SYNDIG1: variants seen among roughly 807,000 people sequenced by gnomAD.
SYNDIG1 encodes synapse differentiation-inducing gene protein 1.
In SYNDIG1, 9 loss-of-function variants were observed where a neutral mutation model predicts 19.4. The ratio of observed to expected loss-of-function variants is 0.46; its 90% CI spans 0.28 to 0.81. The LOEUF (loss-of-function observed/expected upper bound fraction) is 0.81. Among genes scored for constraint, SYNDIG1 ranks in the 30% least tolerant of loss-of-function variants. The probability of loss-of-function intolerance (pLI) is 0.12; values close to 1 mark genes in which losing one functional copy is unlikely to be tolerated. For missense variants in SYNDIG1, 311 were observed against 343.3 expected, an observed-to-expected ratio of 0.91 and a Z score of 0.74; for synonymous variants, 141 against 145.9, an observed-to-expected ratio of 0.97 and a Z score of 0.24.
chr20:24,548,044 G>A (rs1044629796), intron 2 of SYNDIG1, among the ~76,000 whole-genome samples: 7 of 152,146 alleles, frequency 4.6e-5, no homozygotes, highest in South Asian at 2.1e-4. Context: ...AACGCTCATC[G>A]ATGGAGCACC....
At chr20:24,653,045 C>A (rs1212149227) in intron 3 of SYNDIG1, among the ~76,000 whole-genome samples, 2 of 152,190 alleles carry the variant, frequency 1.3e-5, no homozygotes, top group Admixed American at 6.5e-5. Context: ...CCCGCCTAAG[C>A]TGGAAAGACA....
chr20:24,497,853 G>A (rs756646973), intron 1 of SYNDIG1, among the ~76,000 whole-genome samples: 7 of 152,188 alleles, frequency 4.6e-5, no homozygotes, highest in Non-Finnish European at 1.0e-4. Flanking sequence ...TTTTATATGT[G>A]ATCTGTGGAT....
chr20:24,585,115 C>G, intron 3 of SYNDIG1, 122 bp downstream of exon 3: 8 of 1,308,692 alleles, frequency 6.1e-6, no homozygotes, highest in Non-Finnish European at 8.4e-6. Context: ...ACAGCTGGGT[C>G]GGCACTTGCC....
chr20:24,552,639 T>C (rs1424982980), intron 2 of SYNDIG1, among the ~76,000 whole-genome samples: 1 of 152,180 alleles, frequency 6.6e-6, no homozygotes, highest in African/African-American at 2.4e-5. Context: ...GGACATGAAC[T>C]CATCATTTTT....
chr20:24,534,059 A>C (rs1322321797), intron 1 of SYNDIG1, among the ~76,000 whole-genome samples: 1 of 152,148 alleles, frequency 6.6e-6, no homozygotes, highest in South Asian at 2.1e-4. Flanking sequence ...ACAAAGGGGG[A>C]GCAAGAGAAA....
At chr20:24,510,641 G>A (rs2056722531) in intron 1 of SYNDIG1, among the ~76,000 whole-genome samples, 1 of 151,290 alleles carries the variant, frequency 6.6e-6, no homozygotes, top group African/African-American at 2.4e-5. Context: ...GTATTGTATA[G>A]TTACTACATT....
chr20:24,582,810 G>A (rs1600681137), intron 2 of SYNDIG1, among the ~76,000 whole-genome samples: 1 of 152,214 alleles, frequency 6.6e-6, no homozygotes. Flanking sequence ...CAGAGGCTTC[G>A]CAGCCCCAGA....
chr20:24,498,760 A>G (rs1282898254), intron 1 of SYNDIG1, among the ~76,000 whole-genome samples: 1 of 152,086 alleles, frequency 6.6e-6, no homozygotes, highest in African/African-American at 2.4e-5. Flanking sequence ...CCTCTTTCGT[A>G]AGGTTGACCA....
chr20:24,515,192 A>G (rs529978299), intron 1 of SYNDIG1, among the ~76,000 whole-genome samples: 92 of 152,328 alleles, frequency 6.0e-4, no homozygotes, highest in African/African-American at 2.1e-3. Flanking sequence ...TAAAATTGAC[A>G]CCCTAACATC....
chr20:24,512,473 C>G (rs556935347), intron 1 of SYNDIG1, among the ~76,000 whole-genome samples: 1 of 152,016 alleles, frequency 6.6e-6, no homozygotes, highest in African/African-American at 2.4e-5. Context: ...TCTTAGCAAA[C>G]GGCACACCAA....
chr20:24,571,087 C>A (rs1164974922), intron 2 of SYNDIG1, among the ~76,000 whole-genome samples: 2 of 152,138 alleles, frequency 1.3e-5, no homozygotes, highest in African/African-American at 4.8e-5. Flanking sequence ...CTGTAACAAC[C>A]AACAGCAGTG....
intron 1 of SYNDIG1, among the ~76,000 whole-genome samples, chr20:24,508,093 A>G (rs976845334): frequency 1.3e-5 from 2 of 152,220 alleles, no homozygotes; most frequent in African/African-American, 4.8e-5. Context: ...ATAAAAAAAG[A>G]AATGAAAAGT....
At chr20:24,507,201 G>A (rs2056614377) in intron 1 of SYNDIG1, among the ~76,000 whole-genome samples, 1 of 152,128 alleles carries the variant, frequency 6.6e-6, no homozygotes, top group African/African-American at 2.4e-5. Context: ...TTAAGGCTGC[G>A]ACTGCTCCTG....
chr20:24,526,790 C>G (rs1445683483), intron 1 of SYNDIG1, among the ~76,000 whole-genome samples: 2 of 152,054 alleles, frequency 1.3e-5, no homozygotes, highest in Non-Finnish European at 2.9e-5. Flanking sequence ...TCACTTGGCT[C>G]TTGAAAGATA....
At chr20:24,659,449 T>C (rs1465265709) in intron 3 of SYNDIG1, among the ~76,000 whole-genome samples, 2 of 152,192 alleles carry the variant, frequency 1.3e-5, no homozygotes, top group African/African-American at 4.8e-5. Context: ...GTGGGTGATG[T>C]GTCCTGCATT....
chr20:24,545,418 C>A (rs1203464023), intron 2 of SYNDIG1, among the ~76,000 whole-genome samples: 2 of 152,170 alleles, frequency 1.3e-5, no homozygotes, highest in African/African-American at 4.8e-5. Context: ...GAGGGCTTTG[C>A]TGACAGCAAA....
In SYNDIG1 at chr20:24,543,184, A is replaced by G. The variant is rs1250975820; in HGVS notation, c.87A>G (p.Arg29=). Residue 29 remains arginine (R), a synonymous_variant, in exon 2 of 4, where the codon AGA becomes AGG. Coordinates refer to ENST00000376862, the MANE Select transcript of SYNDIG1 (RefSeq NM_024893.3). The part of the protein sequence containing the change: ...AGKRNGLINT[R]NLMAESRDGL... Reference sequence around the variant, plus strand: ...AGAGGAATGGTTTAATTAACACCAGAAACTTGATGGCCGAGAGCAGAGATG... The same window carrying G: ...AGAGGAATGGTTTAATTAACACCAGGAACTTGATGGCCGAGAGCAGAGATG... 1 of 1,614,130 alleles carries G rather than the reference A, an allele frequency of 6.2e-7. No individual in the cohort carries two copies. Among genetic ancestry groups the G allele is most frequent in the East Asian group, 2.2e-5 (1 of 44,876 alleles).
At chr20:24,555,182 G>T (rs1333744037) in intron 2 of SYNDIG1, among the ~76,000 whole-genome samples, 1 of 152,068 alleles carries the variant, frequency 6.6e-6, no homozygotes, top group Non-Finnish European at 1.5e-5. Context: ...GCATCTATTT[G>T]ATTCTTCTCT....
At chr20:24,662,501 C>T (rs188895333) in intron 3 of SYNDIG1, among the ~76,000 whole-genome samples, 6 of 152,236 alleles carry the variant, frequency 3.9e-5, no homozygotes, top group African/African-American at 9.6e-5. Context: ...CCAGCCCTGC[C>T]GATGGAGCCC....
Sources: allele counts gnomAD v4.1 joint callset (sites outside exome capture counted in the v4.1 genomes callset), GRCh38; gene constraint gnomAD v4.1.1; transcripts MANE v1.5; gene names NCBI Gene and HGNC (gene_info 2026-07-23, HGNC 2026-07-21).